The following ADGRV1 variants were observed in gnomAD, a reference collection of about 807,000 sequenced individuals.
The protein encoded by ADGRV1 is G-protein coupled receptor 98.
ADGRV1 carries 359 observed loss-of-function variants against 596.2 expected under a neutral mutation model. The ratio of observed to expected loss-of-function variants is 0.60; its 90% CI spans 0.55 to 0.66. The LOEUF is 0.66. Ranked by LOEUF, ADGRV1 falls within the 30% of genes least tolerant of loss-of-function variation. The pLI is 0.00. For missense variants in ADGRV1, 7,274 were observed against 7,575.6 expected (o/e 0.96, Z 1.48); for synonymous variants, 2,681 against 2,679.2 (o/e 1.00, Z -0.02).
At chr5:90,562,094 G>A (rs968615190) in intron 1 of ADGRV1, among the ~76,000 whole-genome samples, 9 of 152,134 alleles carry the variant, frequency 5.9e-5, no homozygotes, top group African/African-American at 9.7e-5. Flanking sequence ...AACTCCTGTC[G>A]AATCAGGGTG....
chr5:90,880,326 T>C (rs1769640542), intron 83 of ADGRV1, among the ~76,000 whole-genome samples: 1 of 152,230 alleles, frequency 6.6e-6, no homozygotes, highest in African/African-American at 2.4e-5. Context: ...ATGTATGTCA[T>C]GTACAGTATC....
At chr5:91,103,335 C>A (rs1366291306) in intron 87 of ADGRV1, among the ~76,000 whole-genome samples, 2 of 151,814 alleles carry the variant, frequency 1.3e-5, no homozygotes, top group Non-Finnish European at 2.9e-5. Context: ...TGAGCACTTA[C>A]TATTGCCAGG....
At chr5:90,843,826 T>A (rs915018417) in intron 78 of ADGRV1, among the ~76,000 whole-genome samples, 2 of 152,156 alleles carry the variant, frequency 1.3e-5, no homozygotes, top group African/African-American at 4.8e-5. Context: ...CGATAGCCAT[T>A]ATGAGGGGCC....
chr5:90,895,775 T>C (rs890835433), intron 83 of ADGRV1, among the ~76,000 whole-genome samples: 1 of 152,180 alleles, frequency 6.6e-6, no homozygotes, highest in African/African-American at 2.4e-5. Flanking sequence ...GTTTGGGAGA[T>C]ACAGTGTAAC....
intron 25 of ADGRV1, among the ~76,000 whole-genome samples, chr5:90,678,077 A>G (rs1409529121): frequency 6.6e-6 from 1 of 152,192 alleles, no homozygotes; most frequent in Non-Finnish European, 1.5e-5. Context: ...AAAGCCATGT[A>G]CCAGATATTT....
intron 89 of ADGRV1, among the ~76,000 whole-genome samples, chr5:91,160,591 A>T (rs997884078): frequency 1.3e-5 from 2 of 152,174 alleles, no homozygotes; most frequent in Non-Finnish European, 2.9e-5. Context: ...TGTTCTATTG[A>T]CCAAAGGAAA....
intron 87 of ADGRV1, among the ~76,000 whole-genome samples, chr5:91,115,034 A>AT (rs1415332785): frequency 6.6e-6 from 1 of 152,170 alleles, no homozygotes; most frequent in Non-Finnish European, 1.5e-5. Flanking sequence ...AACGCTGAAT[A>AT]TAGGGCTCCC....
intron 85 of ADGRV1, among the ~76,000 whole-genome samples, chr5:91,051,387 G>T (rs1786306383): frequency 6.6e-6 from 1 of 151,962 alleles, no homozygotes; most frequent in Non-Finnish European, 1.5e-5. Context: ...AATTACATGA[G>T]ATATAAAACA....
chr5:90,817,838 C>T (rs1171519089), intron 75 of ADGRV1, among the ~76,000 whole-genome samples: 2 of 152,152 alleles, frequency 1.3e-5, no homozygotes, highest in African/African-American at 4.8e-5. Context: ...AGTTTGAAAT[C>T]AGGTAGTGTG....
chr5:90,820,395 T>G (rs1324444301), intron 75 of ADGRV1, among the ~76,000 whole-genome samples: 1 of 150,192 alleles, frequency 6.7e-6, no homozygotes, highest in East Asian at 2.0e-4. Flanking sequence ...GTCTTTTAAT[T>G]GGAGCATTTA....
At chr5:91,127,540 CAA>C (rs11406300) in intron 87 of ADGRV1, among the ~76,000 whole-genome samples, 3 of 125,588 alleles carry the variant, frequency 2.4e-5, no homozygotes, top group Non-Finnish European at 1.6e-5. Context: ...CCAGTCTCAC[CAA>C]AAAAAAAAAA....
intron 71 of ADGRV1, among the ~76,000 whole-genome samples, chr5:90,803,534 G>A (rs781688650): frequency 3.3e-5 from 5 of 152,056 alleles, no homozygotes; most frequent in African/African-American, 1.2e-4. Flanking sequence ...GAAGTGACTC[G>A]GGCAAGCCTG....
At chr5:90,969,076 T>A (rs539705748) in intron 84 of ADGRV1, among the ~76,000 whole-genome samples, 28 of 108,806 alleles carry the variant, frequency 2.6e-4, no homozygotes, top group Non-Finnish European at 3.7e-4. Flanking sequence ...GATTATATTT[T>A]AGAGTAGCTT....
At chr5:90,927,797 T>C (rs1774677823) in intron 83 of ADGRV1, among the ~76,000 whole-genome samples, 1 of 152,218 alleles carries the variant, frequency 6.6e-6, no homozygotes, top group Non-Finnish European at 1.5e-5. Flanking sequence ...GTTTAGCGCT[T>C]CCTTCAGGAG....
intron 85 of ADGRV1, among the ~76,000 whole-genome samples, chr5:91,030,567 C>CTTTTTA (rs60765405): frequency 0.58 from 87,356 of 151,076 alleles, 25,694 homozygotes; most frequent in Non-Finnish European, 0.63. Context: ...TTTGAGAGTT[C>CTTTTTA]TTTTTATGTT....
intron 85 of ADGRV1, among the ~76,000 whole-genome samples, chr5:90,990,416 G>A (rs1780864513): frequency 2.0e-5 from 3 of 152,156 alleles, no homozygotes; most frequent in South Asian, 4.1e-4. Context: ...TCTATGGAAA[G>A]GGTTGGTAAG....
intron 85 of ADGRV1, among the ~76,000 whole-genome samples, chr5:91,048,049 G>A (rs1785982689): frequency 6.6e-6 from 1 of 152,170 alleles, no homozygotes. Context: ...AGAGCGTGTG[G>A]TTAGCCTCTT....
At chr5:90,650,938 C>A (rs190747306) in intron 17 of ADGRV1, among the ~76,000 whole-genome samples, 5 of 152,212 alleles carry the variant, frequency 3.3e-5, no homozygotes, top group South Asian at 4.1e-4. Context: ...TGTGCAACAG[C>A]TGGAGTAAAG....
intron 45 of ADGRV1, among the ~76,000 whole-genome samples, chr5:90,721,525 A>AAAATTAAAATT (rs57822565): frequency 0.014 from 1,104 of 80,528 alleles, 85 homozygotes; most frequent in Middle Eastern, 0.029. Flanking sequence ...AAAATAAAAT[A>AAAATTAAAATT]AAAATAAAAA....
Sources: allele counts gnomAD v4.1 joint callset (sites outside exome capture counted in the v4.1 genomes callset), GRCh38; gene constraint gnomAD v4.1.1; transcripts MANE v1.5; gene names NCBI Gene and HGNC (gene_info 2026-07-23, HGNC 2026-07-21).